CELF6: variants seen among roughly 807,000 people sequenced by gnomAD.
CELF6 encodes the protein Bruno -like 6, RNA binding protein.
Under a neutral mutation model 53.1 loss-of-function variants are expected in CELF6, and 32 were observed. The observed-to-expected ratio is 0.60, with a 90% CI of 0.46 to 0.81. The LOEUF (loss-of-function observed/expected upper bound fraction) is 0.81. Ranked by LOEUF, CELF6 falls within the 30% of genes least tolerant of loss-of-function variation. The pLI is 0.00. For missense variants in CELF6, 539 were observed against 669.5 expected (o/e 0.81, Z 2.15); for synonymous variants, 291 against 288.8 (o/e 1.01, Z -0.08).
In CELF6 at chr15:72,288,616, C is replaced by T. The variant is rs749077189; in HGVS notation, c.1096G>A (p.Ala366Thr). Residue 366 changes from alanine (A) to threonine (T), a missense_variant and splice_region_variant, in exon 10 of 13, where the codon GCC (alanine) becomes ACC (threonine). Physicochemically the swap from Ala to Thr is moderately conservative, Grantham distance 58. This residue lies in a region of CELF6 where 358 missense variants were observed against 412.8 expected (regional missense o/e 0.87). Transcript: ENST00000287202. The surrounding 1 kb of genome is among the most constrained non-coding windows in gnomAD (Gnocchi z 4.6). Reference sequence around the variant, plus strand: ...ACTGGGGCATAGGCCGACGGATAGGCTGCTGGAGACAGAGGTGGGAGTGGA... The same window carrying T: ...ACTGGGGCATAGGCCGACGGATAGGTTGCTGGAGACAGAGGTGGGAGTGGA... Reference protein sequence around the residue: ...AYAGMHHYAAAYPSAYAPVST... With the variant: ...AYAGMHHYAATYPSAYAPVST... 6.4e-7 allele frequency: 1 copy of T among 1,558,894 alleles called. No individual in the cohort carries two copies. Among genetic ancestry groups the T allele is most frequent in the Non-Finnish European group, 8.7e-7 (1 of 1,152,318 alleles).
At position 72,319,832 on chromosome 15, in the gene CELF6, C is replaced by T. The variant is rs1012780867; in HGVS notation, c.43G>A (p.Gly15Ser). Residue 15 changes from glycine (G) to serine (S), a missense_variant, in exon 1 of 13, where the codon GGC becomes AGC. By Grantham distance (56) the Gly-to-Ser change is moderately conservative (BLOSUM62 0). Coordinates refer to ENST00000287202, the MANE Select transcript of CELF6 (RefSeq NM_052840.5). The surrounding 1 kb of genome is among the most constrained non-coding windows in gnomAD (Gnocchi z 5.0). ...GCGGTGCTGAAACCCAGGCGCGGGC[C>T]GGGGCCAGCGGGCTGCGCTGACCCT... ...PGGSAQPAGPGPRLGFSTADS... is the reference protein window; with the variant it reads ...PGGSAQPAGPSPRLGFSTADS... The T allele has an allele frequency of 4.5e-5, 69 of 1,546,624 alleles. No individual in the cohort carries two copies. Among genetic ancestry groups the T allele is most frequent in the Non-Finnish European group, 5.9e-5 (68 of 1,144,800 alleles).
At position 72,319,632 on chromosome 15, in the gene CELF6, C is replaced by T; in HGVS notation, c.243G>A (p.Arg81=). ...GCGCACCTTTGTGGAGGCCGGTGAG[C>T]CGGTCCTTCAGCACCGTCAGCTCGT... ...RIYELTVLKD[R]LTGLHKGCAF... The change falls in exon 1 of 13, where the codon CGG becomes CGA. Residue 81 remains arginine (R), a synonymous_variant. Transcript: ENST00000287202. The surrounding 1 kb of genome is among the most constrained non-coding windows in gnomAD (Gnocchi z 5.0). The T allele has an allele frequency of 1.3e-6, 2 of 1,560,138 alleles. No homozygotes were observed. The highest frequency in any genetic ancestry group is 2.4e-5 in the East Asian group (1 of 42,030).
Position 72,288,790 on chromosome 15 carries a change from C to A in CELF6, c.1093+78G>T. ...GGAGGATCAACTCCTTGGAACAGAGCCTAAATCCCCCACAACTCTCCCTAT... is the reference window on the plus strand; with the variant it reads ...GGAGGATCAACTCCTTGGAACAGAGACTAAATCCCCCACAACTCTCCCTAT... On this transcript the variant is annotated intron_variant, in intron 9 of 12. Coordinates refer to ENST00000287202, the MANE Select transcript of CELF6 (RefSeq NM_052840.5). The surrounding 1 kb of genome is among the most constrained non-coding windows in gnomAD (Gnocchi z 4.6). 1 of 1,427,028 alleles carries A rather than the reference C, an allele frequency of 7.0e-7. No homozygotes were observed. The allele number at this position is 1,427,028 out of a possible 1,614,324, so 88.4% of individuals were successfully genotyped here. A position where few individuals can be genotyped will look rare whatever the true frequency, so the allele number is the denominator to read the frequency against.
intron 3 of CELF6, among the ~76,000 whole-genome samples, chr15:72,303,372 G>A (rs535209936): frequency 2.6e-5 from 4 of 152,324 alleles, no homozygotes; most frequent in African/African-American, 9.6e-5. Flanking sequence ...ACAAGGTGAA[G>A]GTGATAACAT....
At chr15:72,308,209 TA>T (rs1411868009) in intron 2 of CELF6, among the ~76,000 whole-genome samples, 1 of 149,614 alleles carries the variant, frequency 6.7e-6, no homozygotes, top group Non-Finnish European at 1.5e-5. Context: ...ACCTCAGATA[TA>T]AAAAGTTATT....
At chr15:72,311,084 A>T (rs2088287814) in intron 2 of CELF6, among the ~76,000 whole-genome samples, 1 of 152,158 alleles carries the variant, frequency 6.6e-6, no homozygotes, top group African/African-American at 2.4e-5. Context: ...CTCAGATAAC[A>T]TCTCTGCAAA....
At chr15:72,302,848 A>G (rs1373151159) in intron 3 of CELF6, among the ~76,000 whole-genome samples, 1 of 152,092 alleles carries the variant, frequency 6.6e-6, no homozygotes, top group African/African-American at 2.4e-5. Flanking sequence ...CAGCTTAAAT[A>G]TTACTCCTCT....
chr15:72,318,487 G>T (rs143275247), intron 1 of CELF6, among the ~76,000 whole-genome samples: 8 of 152,306 alleles, frequency 5.3e-5, no homozygotes, highest in African/African-American at 1.9e-4. Flanking sequence ...TGGTGGTGGT[G>T]GGGGAGGAGA....
chr15:72,317,152 TG>T (rs1180945778), intron 1 of CELF6, among the ~76,000 whole-genome samples: 2 of 152,208 alleles, frequency 1.3e-5, no homozygotes, highest in African/African-American at 4.8e-5. Context: ...TGTAGCCTTG[TG>T]GGCCTCAGTT....
At chr15:72,314,602 T>TG (rs1466238773) in intron 2 of CELF6, among the ~76,000 whole-genome samples, 7 of 144,926 alleles carry the variant, frequency 4.8e-5, no homozygotes, top group African/African-American at 1.9e-4. Flanking sequence ...TTTTTTTTTT[T>TG]TTTTTTTTTT....
Position 72,319,831 on chromosome 15 carries a change from C to G in CELF6, c.44G>C (p.Gly15Ala). ...CGCGGTGCTGAAACCCAGGCGCGGG[C>G]CGGGGCCAGCGGGCTGCGCTGACCC... ...PGGSAQPAGP[G>A]PRLGFSTADS... Residue 15 changes from glycine to alanine, a missense_variant, in exon 1 of 13, where the codon GGC (glycine) becomes GCC (alanine). This residue lies in a region of CELF6 where 84 missense variants were observed against 87.9 expected (regional missense o/e 0.96). Coordinates refer to ENST00000287202, the MANE Select transcript of CELF6 (RefSeq NM_052840.5). The surrounding 1 kb of genome is among the most constrained non-coding windows in gnomAD (Gnocchi z 5.0). 6.5e-7 allele frequency: 1 copy of G among 1,547,936 alleles called. No individual in the cohort carries two copies. Among genetic ancestry groups the G allele is most frequent in the Non-Finnish European group, 8.7e-7 (1 of 1,145,304 alleles).
At chr15:72,313,900 T>C (rs1227542101) in intron 2 of CELF6, among the ~76,000 whole-genome samples, 1 of 152,240 alleles carries the variant, frequency 6.6e-6, no homozygotes, top group African/African-American at 2.4e-5. Context: ...TTGAGTACTT[T>C]AGTTCACTTA....
At chr15:72,290,310 G>A in intron 3 of CELF6, 55 bp from the exon 4 acceptor site, 2 of 1,570,474 alleles carry the variant, frequency 1.3e-6, no homozygotes, top group Non-Finnish European at 1.7e-6. Context: ...AGACCCCCGA[G>A]AGTAGCCTGA....
chr15:72,297,841 G>A (rs148868696), intron 3 of CELF6, among the ~76,000 whole-genome samples: 1 of 152,214 alleles, frequency 6.6e-6, no homozygotes, highest in African/African-American at 2.4e-5. Context: ...CTTAGCTCTA[G>A]TAACTGTACC....
intron 3 of CELF6, among the ~76,000 whole-genome samples, chr15:72,296,711 T>A (rs2088083147): frequency 6.6e-6 from 1 of 152,186 alleles, no homozygotes; most frequent in Admixed American, 6.5e-5. Context: ...AAATGACTAA[T>A]TGTTAAGGAA....
Position 72,288,229 on chromosome 15 carries a change from G to A in CELF6, c.1318+79C>T. 1 of 1,439,620 alleles carries A rather than the reference G, an allele frequency of 6.9e-7. No homozygotes were observed. Among genetic ancestry groups the A allele is most frequent in the African/African-American group, 1.4e-5 (1 of 71,450 alleles). The allele number at this position is 1,439,620 out of a possible 1,614,324, so 89.2% of individuals were successfully genotyped here. ...CAATCTCAGGAAATCACTGCATTAT[G>A]GAAGGGCAATCGTAGGGTCTGTAGG... is the stretch of plus-strand genomic sequence containing the variant. On this transcript the variant is annotated intron_variant, in intron 11 of 12. Transcript: ENST00000287202. This position sits in a 1 kb window ranked among gnomAD's most constrained non-coding sequence, Gnocchi z 4.6.
At chr15:72,305,044 C>T (rs2088208615) in intron 2 of CELF6, among the ~76,000 whole-genome samples, 1 of 152,174 alleles carries the variant, frequency 6.6e-6, no homozygotes, top group African/African-American at 2.4e-5. Flanking sequence ...AATGAAGCGG[C>T]TAAAGAGACT....
At position 72,285,335 on chromosome 15, in the gene CELF6, C is replaced by T. The variant is rs182727450; in HGVS notation, c.*1036G>A. Reference sequence around the variant, plus strand: ...CAATGGCAGTATATACAGTAGCAAACCTTCCAAGTCTGTTGTCACAGCCCT... The same window carrying T: ...CAATGGCAGTATATACAGTAGCAAATCTTCCAAGTCTGTTGTCACAGCCCT... On this transcript the variant is annotated 3_prime_UTR_variant, in exon 13 of 13. Transcript: ENST00000287202. 6.6e-6 allele frequency: 1 copy of T among 152,570 alleles called. No individual in the cohort carries two copies. 9.5% of individuals were successfully genotyped at this position (152,570 alleles called of 1,614,324 possible).
At chr15:72,312,874 G>C (rs2088316051) in intron 2 of CELF6, among the ~76,000 whole-genome samples, 1 of 152,230 alleles carries the variant, frequency 6.6e-6, no homozygotes, top group Admixed American at 6.5e-5. Flanking sequence ...GGCGACTAAA[G>C]TTGCTGCTGT....
Sources: allele counts gnomAD v4.1 joint callset (sites outside exome capture counted in the v4.1 genomes callset), GRCh38; gene constraint gnomAD v4.1.1; regional missense constraint gnomAD v4.1.1; non-coding constraint Gnocchi (gnomAD v3.1); transcripts MANE v1.5; gene names NCBI Gene and HGNC (gene_info 2026-07-23, HGNC 2026-07-21).